HIVEP2: variants seen among roughly 807,000 people sequenced by gnomAD.
The protein encoded by HIVEP2 is transcription factor HIVEP2.
Under a neutral mutation model 180.7 loss-of-function variants are expected in HIVEP2, and 14 were observed. The observed-to-expected ratio is 0.08, with a 90% confidence interval of 0.05 to 0.12. The LOEUF is 0.12. Ranked by LOEUF, HIVEP2 falls within the 10% of genes least tolerant of loss-of-function variation. The pLI is 1.00. For missense variants in HIVEP2, 2,579 were observed against 3,008.5 expected (o/e 0.86, Z 3.34); for synonymous variants, 1,184 against 1,136.4 (o/e 1.04, Z -0.84).
Position 142,759,888 on chromosome 6 carries a change from C to T in HIVEP2, c.6400G>A (p.Glu2134Lys). 1.9e-6 allele frequency: 3 copies of T among 1,614,158 alleles called. No individual in the cohort carries two copies. Among genetic ancestry groups the T allele is most frequent in the Non-Finnish European group, 2.5e-6 (3 of 1,180,022 alleles). Reference sequence around the variant, plus strand: ...CTTATTGTGGTCATGTATCTTCTCTCTCTTCTAGGAGAGAGGTCTCTTCTT... The same window carrying T: ...CTTATTGTGGTCATGTATCTTCTCTTTCTTCTAGGAGAGAGGTCTCTTCTT... Reference protein sequence around the residue: ...TARRDLSPRRERRYMTTIRAP... With the variant: ...TARRDLSPRRKRRYMTTIRAP... Residue 2134 changes from glutamate (E) to lysine (K), a missense_variant, in exon 9 of 10, where the codon GAG (glutamate) becomes AAG (lysine). Physicochemically the swap from Glu to Lys is moderately conservative, Grantham distance 56 (BLOSUM62 1). This residue lies in a region of HIVEP2 where 660 missense variants were observed against 731.7 expected (regional missense o/e 0.90). Transcript: ENST00000367603.
At chr6:142,850,637 T>C (rs1246088768) in intron 1 of HIVEP2, among the ~76,000 whole-genome samples, 1 of 152,236 alleles carries the variant, frequency 6.6e-6, no homozygotes, top group African/African-American at 2.4e-5. Context: ...AAAATGATTA[T>C]GACAAAGAGG....
intron 1 of HIVEP2, among the ~76,000 whole-genome samples, chr6:142,906,207 A>G (rs1295318418): frequency 6.6e-6 from 1 of 152,204 alleles, no homozygotes; most frequent in African/African-American, 2.4e-5. Context: ...ATAACTTTGA[A>G]GGCATTCATG....
At chr6:142,890,127 TG>T (rs1365165705) in intron 1 of HIVEP2, among the ~76,000 whole-genome samples, 1 of 152,194 alleles carries the variant, frequency 6.6e-6, no homozygotes, top group African/African-American at 2.4e-5. Context: ...CAACATTGCC[TG>T]CTCTGTTAAA....
intron 1 of HIVEP2, among the ~76,000 whole-genome samples, chr6:142,878,003 G>A (rs2128415077): frequency 6.6e-6 from 1 of 152,130 alleles, no homozygotes; most frequent in African/African-American, 2.4e-5. Flanking sequence ...TCTTAACATG[G>A]AGCCCAAAAG....
rs1447076996 is a variant in HIVEP2 at position 142,753,654 on chromosome 6, C to T, written c.6794G>A (p.Gly2265Asp). 2.5e-6 allele frequency: 4 copies of T among 1,614,144 alleles called. No individual in the cohort carries two copies. ...CTTGGAGAAGGACTCCCCTGACGCGCCTTTCTTCTCCTCAAAGCCCTCCAT... is the reference window on the plus strand; with the variant it reads ...CTTGGAGAAGGACTCCCCTGACGCGTCTTTCTTCTCCTCAAAGCCCTCCAT... ...LPMEGFEEKKGASGESFSKDP... is the reference protein window; with the variant it reads ...LPMEGFEEKKDASGESFSKDP... Residue 2265 changes from glycine to aspartate, a missense_variant, in exon 10 of 10, where the codon GGC (glycine) becomes GAC (aspartate). Around this residue, in one of 11 missense-constraint regions of HIVEP2, gnomAD observed 660 missense variants for 731.7 expected, o/e 0.90. Coordinates refer to ENST00000367603, the MANE Select transcript of HIVEP2 (RefSeq NM_006734.4).
Position 142,770,071 on chromosome 6 carries a change from G to A in HIVEP2, c.4668C>T (p.Ser1556=). The change falls in exon 5 of 10, where the codon TCC becomes TCT. Residue 1556 remains serine, a synonymous_variant. Coordinates refer to ENST00000367603, the MANE Select transcript of HIVEP2 (RefSeq NM_006734.4). This position sits in a 1 kb window ranked among gnomAD's most constrained non-coding sequence, Gnocchi z 4.7. Reference sequence around the variant, plus strand: ...ATTCTTTGCTTTCAGAAGGCCCACTGGACTTCTGCCCCGGAAGTGGTGCCC... The same window carrying A: ...ATTCTTTGCTTTCAGAAGGCCCACTAGACTTCTGCCCCGGAAGTGGTGCCC... ...GSRAPLPGQK[S]SGPSESKESS... The A allele has an allele frequency of 6.2e-7, 1 of 1,614,200 alleles. No individual in the cohort carries two copies. Among genetic ancestry groups the A allele is most frequent in the South Asian group, 1.1e-5 (1 of 91,078 alleles).
At chr6:142,790,500 T>C (rs1776111813) in intron 2 of HIVEP2, among the ~76,000 whole-genome samples, 2 of 152,240 alleles carry the variant, frequency 1.3e-5, no homozygotes, top group African/African-American at 4.8e-5. Flanking sequence ...TTGACTACCA[T>C]ACTCTAGTGA....
intron 1 of HIVEP2, among the ~76,000 whole-genome samples, chr6:142,864,314 G>C (rs749991485): frequency 1.6e-4 from 25 of 152,066 alleles, no homozygotes; most frequent in Non-Finnish European, 3.2e-4. Flanking sequence ...TCTAGGAACA[G>C]CCTAGAAACG....
chr6:142,884,151 G>A (rs978206193), intron 1 of HIVEP2, among the ~76,000 whole-genome samples: 3 of 152,034 alleles, frequency 2.0e-5, no homozygotes, highest in African/African-American at 7.2e-5. Context: ...TTTTCCACTA[G>A]GGCTTTTTTA....
At chr6:142,929,233 T>C (rs1489046683) in intron 1 of HIVEP2, among the ~76,000 whole-genome samples, 2 of 152,198 alleles carry the variant, frequency 1.3e-5, no homozygotes, top group African/African-American at 4.8e-5. Flanking sequence ...TCAGTGAAGA[T>C]TTTATTCAAA....
In HIVEP2 at chr6:142,801,191, C is replaced by CAAA. The variant is rs10717703; in HGVS notation, c.-527-17579_-527-17577dup. On this transcript the variant is annotated intron_variant, in intron 2 of 9. Coordinates refer to ENST00000367603, the MANE Select transcript of HIVEP2 (RefSeq NM_006734.4). ...TATGAGGTCAAGCAGTGGCCAGTGT[C>CAAA]AAAAAAAAAAAAAAAAAAAACGAGG... Among the ~76,000 whole-genome samples the CAAA allele has an allele frequency of 7.5e-3, 655 of 86,966 alleles. 11 individuals are homozygous for CAAA. Among genetic ancestry groups the CAAA allele is most frequent in the Non-Finnish European group, 0.012 (536 of 44,480 alleles). The allele number at this position is 86,966 out of a possible 152,430, so 57.1% of individuals were successfully genotyped here.
intron 2 of HIVEP2, among the ~76,000 whole-genome samples, chr6:142,814,846 G>C (rs1220517555): frequency 1.3e-5 from 2 of 152,154 alleles, no homozygotes. Context: ...TCTTTGCAAA[G>C]TATATGGAGT....
In HIVEP2 at chr6:142,775,047, G is replaced by T; in HGVS notation, c.-309C>A. 1 of 1,097,910 alleles carries T rather than the reference G, an allele frequency of 9.1e-7. No individual in the cohort carries two copies. The highest frequency in any genetic ancestry group is 1.1e-6 in the Non-Finnish European group (1 of 901,056). The allele number at this position is 1,097,910 out of a possible 1,614,324, so 68.0% of individuals were successfully genotyped here. A position where few individuals can be genotyped will look rare whatever the true frequency, so the allele number is the denominator to read the frequency against. ...AAATTTTCAACTAGGATGAAATTGG[G>T]ATGATGAATAGTCTAGGAGAAATTT... On this transcript the variant is annotated 5_prime_UTR_variant, in exon 5 of 10. Coordinates refer to ENST00000367603, the MANE Select transcript of HIVEP2 (RefSeq NM_006734.4).
intron 2 of HIVEP2, among the ~76,000 whole-genome samples, chr6:142,816,395 CT>C (rs1776835829): frequency 6.6e-6 from 1 of 152,146 alleles, no homozygotes; most frequent in South Asian, 2.1e-4. Flanking sequence ...CTTAATTCAT[CT>C]CTTTGTCTAC....
chr6:142,824,713 G>A (rs1774824737), intron 2 of HIVEP2, among the ~76,000 whole-genome samples: 1 of 152,150 alleles, frequency 6.6e-6, no homozygotes, highest in African/African-American at 2.4e-5. Context: ...AGTCCCAGAG[G>A]CTAGGGAGGC....
chr6:142,795,889 T>C (rs12199502), intron 2 of HIVEP2, among the ~76,000 whole-genome samples: 20,756 of 152,100 alleles, frequency 0.14, 1,558 homozygotes, highest in Non-Finnish European at 0.17. Context: ...TACATGGACA[T>C]AGGTTTAAGA....
At chr6:142,834,628 AT>A (rs1775177973) in intron 2 of HIVEP2, among the ~76,000 whole-genome samples, 1 of 152,172 alleles carries the variant, frequency 6.6e-6, no homozygotes, top group African/African-American at 2.4e-5. Context: ...TTGAAGGAAA[AT>A]GCCAGGACAT....
In HIVEP2 at chr6:142,768,373, T is replaced by C. The variant is rs766197759; in HGVS notation, c.5342+9A>G. On this transcript the variant is annotated intron_variant, in intron 6 of 9. Transcript: ENST00000367603. ...CTGCACATTTTACATTTGCACTTTG[T>C]TTCCTTACCCTCCTTCAAATATTTT... The C allele has an allele frequency of 9.3e-6, 15 of 1,607,458 alleles. No individual in the cohort carries two copies. In the East Asian group the frequency reaches 2.2e-4, roughly 24 times the overall value.
intron 1 of HIVEP2, among the ~76,000 whole-genome samples, chr6:142,892,718 G>A (rs1022295833): frequency 6.6e-5 from 10 of 152,182 alleles, no homozygotes; most frequent in African/African-American, 2.4e-4. Context: ...AGGCAATACT[G>A]AATAACACAC....
Sources: gnomAD v4.1 joint callset for allele counts (sites outside exome capture counted in the v4.1 genomes callset) on GRCh38, gnomAD v4.1.1 for gene constraint, gnomAD v4.1.1 regional missense constraint, Gnocchi (gnomAD v3.1) non-coding constraint, MANE v1.5 for transcripts, NCBI Gene and HGNC (gene_info 2026-07-23, HGNC 2026-07-21) for gene names.